RHOT1: variants seen among roughly 807,000 people sequenced by gnomAD.
The protein encoded by RHOT1 is mitochondrial Rho GTPase 1.
RHOT1 carries 27 observed loss-of-function variants against 95.3 expected under a neutral mutation model. The ratio of observed to expected loss-of-function variants is 0.28; its 90% CI spans 0.21 to 0.39. RHOT1 has a LOEUF of 0.39. Ranked by LOEUF, RHOT1 falls within the 10% of genes least tolerant of loss-of-function variation. The probability of loss-of-function intolerance (pLI) is 1.00; values close to 1 mark genes in which losing one functional copy is unlikely to be tolerated. For synonymous variants in RHOT1, 227 were observed against 263.5 expected (o/e 0.86, Z 1.34); for missense variants, 578 against 786.7 (o/e 0.73, Z 3.17).
At chr17:32,207,225 G>T in intron 17 of RHOT1, 196 bp downstream of exon 17, 1 of 475,506 alleles carries the variant, frequency 2.1e-6, no homozygotes, top group Non-Finnish European at 3.6e-6. Flanking sequence ...ATTTCTGAAA[G>T]TTTTCGACAT....
At chr17:32,223,775 C>T (rs1374720449) in intron 19 of RHOT1, among the ~76,000 whole-genome samples, 1 of 152,184 alleles carries the variant, frequency 6.6e-6, no homozygotes, top group African/African-American at 2.4e-5. Flanking sequence ...ACTTCAGTGA[C>T]ATTTAAATAA....
chr17:32,165,061 G>A (rs943677836), intron 1 of RHOT1, among the ~76,000 whole-genome samples: 4 of 151,136 alleles, frequency 2.6e-5, no homozygotes, highest in Admixed American at 6.6e-5. Flanking sequence ...AGGGCCGGGC[G>A]TGGGCGTGGT....
chr17:32,216,406 CTATTT>C (rs2142939792), intron 19 of RHOT1, among the ~76,000 whole-genome samples: 1 of 152,032 alleles, frequency 6.6e-6, no homozygotes, highest in African/African-American at 2.4e-5. Context: ...TTCTTTCATT[CTATTT>C]TATTATTTGC....
At chr17:32,209,280 A>G (rs1028030637) in intron 18 of RHOT1, 1 of 777,134 alleles carries the variant, frequency 1.3e-6, no homozygotes, top group Non-Finnish European at 2.0e-6. Flanking sequence ...CATTCCTATT[A>G]TTATAGAATA....
chr17:32,222,569 A>G (rs2038897713), intron 19 of RHOT1, among the ~76,000 whole-genome samples: 1 of 151,866 alleles, frequency 6.6e-6, no homozygotes, highest in Non-Finnish European at 1.5e-5. Flanking sequence ...GTACATACAG[A>G]TAGATTTTTT....
intron 8 of RHOT1, among the ~76,000 whole-genome samples, chr17:32,190,383 A>T (rs1002765213): frequency 2.6e-5 from 4 of 152,086 alleles, no homozygotes; most frequent in Admixed American, 2.0e-4. Context: ...TGAACCTGGG[A>T]GGCAGAGGTT....
At chr17:32,169,296 G>A (rs1468333642) in intron 1 of RHOT1, among the ~76,000 whole-genome samples, 1 of 152,162 alleles carries the variant, frequency 6.6e-6, no homozygotes, top group Admixed American at 6.5e-5. Flanking sequence ...AGATTAGTAA[G>A]CATGTGGACT....
At chr17:32,204,544 A>G (rs1189709940) in intron 16 of RHOT1, among the ~76,000 whole-genome samples, 3 of 129,924 alleles carry the variant, frequency 2.3e-5, no homozygotes, top group South Asian at 2.2e-4. Context: ...CCATCTCCAG[A>G]AAAAAAAAAA....
chr17:32,197,510 C>T (rs938286119), intron 11 of RHOT1, among the ~76,000 whole-genome samples: 3 of 151,776 alleles, frequency 2.0e-5, no homozygotes, highest in South Asian at 2.1e-4. Context: ...CTGCATGCTC[C>T]GCCTCCCAGG....
intron 19 of RHOT1, among the ~76,000 whole-genome samples, chr17:32,223,561 C>T (rs904892087): frequency 1.3e-5 from 2 of 151,602 alleles, no homozygotes; most frequent in Admixed American, 1.3e-4. Flanking sequence ...ATTACAGGCA[C>T]CCACCACCAT....
chr17:32,171,429 T>C (rs1486495064), intron 2 of RHOT1, among the ~76,000 whole-genome samples: 1 of 152,246 alleles, frequency 6.6e-6, no homozygotes, highest in African/African-American at 2.4e-5. Context: ...ATCACCTGTA[T>C]CTATGAAATA....
chr17:32,203,828 A>G (rs2142861053), intron 15 of RHOT1, 62 bp from the exon 16 acceptor site: 2 of 1,118,450 alleles, frequency 1.8e-6, no homozygotes, highest in Non-Finnish European at 1.4e-6. Context: ...ATACACAGAG[A>G]TGTTTGTATA....
At chr17:32,192,582 CAT>C (rs2036569507) in intron 9 of RHOT1, among the ~76,000 whole-genome samples, 1 of 151,062 alleles carries the variant, frequency 6.6e-6, no homozygotes, top group African/African-American at 2.4e-5. Context: ...TTTTGAATAA[CAT>C]AGCTACAGAA....
intron 1 of RHOT1, chr17:32,151,178 T>G (rs530334016): frequency 5.2e-6 from 4 of 775,844 alleles, no homozygotes; most frequent in South Asian, 4.0e-5. Context: ...CAAAGCTAGT[T>G]TCTCCTGAAG....
chr17:32,186,364 A>ATTTT (rs141880248), intron 8 of RHOT1, among the ~76,000 whole-genome samples: 1 of 128,202 alleles, frequency 7.8e-6, no homozygotes, highest in Non-Finnish European at 1.7e-5. Context: ...GTCCTTTCCC[A>ATTTT]TTTTTTTTTT....
chr17:32,212,742 C>T (rs1017908565), intron 19 of RHOT1, among the ~76,000 whole-genome samples: 4 of 152,080 alleles, frequency 2.6e-5, no homozygotes, highest in African/African-American at 4.8e-5. Flanking sequence ...TTTAGAACAA[C>T]ATACGACTAT....
At chr17:32,166,446 T>C (rs571046513) in intron 1 of RHOT1, among the ~76,000 whole-genome samples, 1 of 152,268 alleles carries the variant, frequency 6.6e-6, no homozygotes, top group Admixed American at 6.5e-5. Context: ...AAGACAACTA[T>C]GACATTTGCT....
At chr17:32,175,168 T>G in intron 3 of RHOT1, 151 bp from the exon 4 acceptor site, 1 of 644,690 alleles carries the variant, frequency 1.6e-6, no homozygotes, top group Non-Finnish European at 2.8e-6. Flanking sequence ...TTATCGTAGT[T>G]GAACCTTTTC....
chr17:32,175,832 T>C, intron 4 of RHOT1, 130 bp from the exon 5 acceptor site: 1 of 567,378 alleles, frequency 1.8e-6, no homozygotes, highest in Non-Finnish European at 2.9e-6. Context: ...CTAATTCTTT[T>C]TTTGTTTTTT....
Sources: gnomAD v4.1 joint callset for allele counts (sites outside exome capture counted in the v4.1 genomes callset) on GRCh38, gnomAD v4.1.1 for gene constraint, MANE v1.5 for transcripts, NCBI Gene and HGNC (gene_info 2026-07-23, HGNC 2026-07-21) for gene names.